The following SASH1 variants were observed in gnomAD, a reference collection of about 807,000 sequenced individuals.
SASH1 encodes SAM and SH3 domain containing 1.
A neutral mutation model predicts 125.2 loss-of-function variants in SASH1; 44 were observed. The ratio of observed to expected loss-of-function variants is 0.35; its 90% CI spans 0.28 to 0.45. The LOEUF is 0.45. Among genes scored for constraint, SASH1 ranks in the 20% least tolerant of loss-of-function variants. SASH1 has a pLI of 1.00. For missense variants in SASH1, 1,426 were observed against 1,614.5 expected, an observed-to-expected ratio of 0.88 and a Z score of 2.00; for synonymous variants, 639 against 649.1, an observed-to-expected ratio of 0.98 and a Z score of 0.24.
intron 1 of SASH1, among the ~76,000 whole-genome samples, chr6:148,332,490 A>G (rs1781024643): frequency 6.6e-6 from 1 of 152,134 alleles, no homozygotes; most frequent in South Asian, 2.1e-4. Context: ...ATTTAAATGA[A>G]TCTGTGTTCC....
chr6:148,439,475 T>C (rs1348989028), intron 2 of SASH1, among the ~76,000 whole-genome samples: 1 of 152,142 alleles, frequency 6.6e-6, no homozygotes, highest in Non-Finnish European at 1.5e-5. Context: ...TGAATACATT[T>C]AGAACTTTAA....
chr6:148,309,852 G>A (rs544892352), intron 1 of SASH1, among the ~76,000 whole-genome samples: 2 of 152,166 alleles, frequency 1.3e-5, no homozygotes, highest in African/African-American at 2.4e-5. Flanking sequence ...AAAAACTGGC[G>A]AGTTTTGAGT....
In SASH1 at chr6:148,527,309, A is replaced by T. The variant is rs1562485043; in HGVS notation, c.1285-144A>T. 1.1e-5 allele frequency: 7 copies of T among 652,228 alleles called. No individual in the cohort carries two copies. In the Admixed American group the frequency reaches 2.0e-4, roughly 19 times the overall value. The allele number at this position is 652,228 out of a possible 1,614,324, so 40.4% of individuals were successfully genotyped here. A position where few individuals can be genotyped will look rare whatever the true frequency, so the allele number is the denominator to read the frequency against. On this transcript the variant is annotated intron_variant, in intron 11 of 19. Transcript: ENST00000367467. ...TAATTTTTAATCAAAGAGATAAATAATAGCACTGAGTTAACACAAGAAAAA... is the reference window on the plus strand; with the variant it reads ...TAATTTTTAATCAAAGAGATAAATATTAGCACTGAGTTAACACAAGAAAAA...
intron 4 of SASH1, among the ~76,000 whole-genome samples, chr6:148,451,816 A>G (rs1371427492): frequency 6.6e-6 from 1 of 152,214 alleles, no homozygotes; most frequent in Admixed American, 6.5e-5. Context: ...TTTGCTAGGA[A>G]ATCCAGGTCA....
chr6:148,204,305 A>C, the SASH1 span, among the ~76,000 whole-genome samples: 1 of 152,346 alleles, frequency 6.6e-6, no homozygotes, highest in South Asian at 2.1e-4. Context: ...GACAGTACAA[A>C]AGAGACCAAT....
intron 10 of SASH1, among the ~76,000 whole-genome samples, chr6:148,520,630 A>C (rs976958104): frequency 2.0e-5 from 3 of 152,260 alleles, no homozygotes; most frequent in Admixed American, 6.5e-5. Flanking sequence ...CATTGAAGCT[A>C]ATCCAGAGAG....
At chr6:148,485,281 A>AAT (rs1778794010) in intron 7 of SASH1, among the ~76,000 whole-genome samples, 1 of 152,158 alleles carries the variant, frequency 6.6e-6, no homozygotes, top group South Asian at 2.1e-4. Flanking sequence ...TTCACAGGCC[A>AAT]ATATATCAAA....
Position 148,471,386 on chromosome 6 carries a change from CTTTTTTTTTTTTTTTTT to C in SASH1, c.428-20_428-4del. The C allele has an allele frequency of 2.0e-6, 1 of 502,150 alleles. No individual in the cohort carries two copies. Among genetic ancestry groups the C allele is most frequent in the Non-Finnish European group, 2.9e-6 (1 of 339,902 alleles). 31.1% of individuals were successfully genotyped at this position (502,150 alleles called of 1,614,324 possible). ...GAATTTATTGCTTGTGCTTTTTGTT[CTTTTTTTTTTTTTTTTT>C]TTTTTTTTTTAAGGAAAAGGAGACT... On this transcript the variant is annotated splice_polypyrimidine_tract_variant and intron_variant, in intron 5 of 19. Coordinates refer to ENST00000367467, the MANE Select transcript of SASH1 (RefSeq NM_015278.5).
rs2115480516 is a variant in SASH1, at chr6:148,550,189, A to G, written c.*1631A>G. 1 of 152,350 alleles carries G rather than the reference A, an allele frequency of 6.6e-6. No individual in the cohort carries two copies. Among genetic ancestry groups the G allele is most frequent in the Non-Finnish European group, 1.5e-5 (1 of 68,034 alleles). The allele number at this position is 152,350 out of a possible 1,614,324, so 9.4% of individuals were successfully genotyped here. On this transcript the variant is annotated 3_prime_UTR_variant, in exon 20 of 20. Transcript: ENST00000367467. ...AAACAAGTAAACTATTATGGTTTCC[A>G]TTGCTTACAAAATGATTTTCCTTTA... is the stretch of plus-strand genomic sequence containing the variant.
At chr6:148,490,013 TAAAAAA>T (rs57304766) in intron 8 of SASH1, among the ~76,000 whole-genome samples, 2 of 124,978 alleles carry the variant, frequency 1.6e-5, no homozygotes, top group African/African-American at 2.9e-5. Context: ...ATCCTGTCTT[TAAAAAA>T]AAAAAAAAAA....
the SASH1 span, among the ~76,000 whole-genome samples, chr6:148,262,277 G>A: frequency 6.6e-5 from 10 of 152,084 alleles, no homozygotes; most frequent in Non-Finnish European, 1.2e-4. Flanking sequence ...TGAACAGCAC[G>A]GCAATATCAC....
chr6:148,252,178 T>C, the SASH1 span, among the ~76,000 whole-genome samples: 3 of 152,066 alleles, frequency 2.0e-5, no homozygotes, highest in African/African-American at 4.8e-5. Flanking sequence ...AGGGAAATGA[T>C]AGATACCCAC....
chr6:148,538,877 A>G (rs1782044433), intron 16 of SASH1, among the ~76,000 whole-genome samples: 1 of 152,226 alleles, frequency 6.6e-6, no homozygotes, highest in African/African-American at 2.4e-5. Context: ...TTGTGTAGAA[A>G]ATGTTTTCTT....
intron 2 of SASH1, among the ~76,000 whole-genome samples, chr6:148,406,333 C>T (rs1019055915): frequency 1.3e-5 from 2 of 150,426 alleles, no homozygotes; most frequent in Non-Finnish European, 3.0e-5. Flanking sequence ...TTCTGAGCTG[C>T]AAGAGATAAA....
chr6:148,450,201 C>G (rs1777027547), intron 4 of SASH1, among the ~76,000 whole-genome samples: 1 of 152,182 alleles, frequency 6.6e-6, no homozygotes. Flanking sequence ...TTGGATTTAT[C>G]TCCCGAAAAT....
chr6:148,386,492 G>C (rs903033207), intron 1 of SASH1, among the ~76,000 whole-genome samples: 1 of 152,122 alleles, frequency 6.6e-6, no homozygotes, highest in Admixed American at 6.5e-5. Context: ...GTGTATAAGA[G>C]ACAGAGAGAG....
In SASH1 at chr6:148,440,467, C is replaced by A. The variant is rs9498038; in HGVS notation, c.386+60C>A. 595,740 of 1,416,156 alleles carry A rather than the reference C, an allele frequency of 0.42. 129,255 individuals are homozygous for A. Among genetic ancestry groups the A allele is most frequent in the South Asian group, 0.66 (57,228 of 86,368 alleles). 87.7% of individuals were successfully genotyped at this position (1,416,156 alleles called of 1,614,324 possible). On this transcript the variant is annotated intron_variant, in intron 4 of 19. Coordinates refer to ENST00000367467, the MANE Select transcript of SASH1 (RefSeq NM_015278.5). Reference sequence around the variant, plus strand: ...CAAGAAGGTGTCTTTTAGGTCCATGCTGACGGAAATCAAACAGGCGATCAT... The same window carrying A: ...CAAGAAGGTGTCTTTTAGGTCCATGATGACGGAAATCAAACAGGCGATCAT...
intron 1 of SASH1, among the ~76,000 whole-genome samples, chr6:148,333,960 C>A (rs149579251): frequency 6.6e-6 from 1 of 151,926 alleles, no homozygotes; most frequent in African/African-American, 2.4e-5. Context: ...GTAGCTGGGA[C>A]TATAGGAGCC....
At chr6:148,354,648 G>C (rs1350470209) in intron 1 of SASH1, among the ~76,000 whole-genome samples, 3 of 152,158 alleles carry the variant, frequency 2.0e-5, no homozygotes, top group Non-Finnish European at 2.9e-5. Context: ...GGCCCCACCA[G>C]ACTTATGAAA....
Sources: gnomAD v4.1 joint callset for allele counts (sites outside exome capture counted in the v4.1 genomes callset) on GRCh38, gnomAD v4.1.1 for gene constraint, MANE v1.5 for transcripts, NCBI Gene and HGNC (gene_info 2026-07-23, HGNC 2026-07-21) for gene names.